Variants in MRGPRX3 observed in about 807,000 individuals in gnomAD.
MRGPRX3 encodes MAS related GPR family member X3, also known as mas-related G protein-coupled receptor member X3.
In MRGPRX3, 14 loss-of-function variants were observed where a neutral mutation model predicts 16.5. That is an observed-to-expected ratio of 0.85 (90% CI 0.56 to 1.33). MRGPRX3 has a LOEUF of 1.33. MRGPRX3 is among the 40% of genes most tolerant of loss of function. The pLI is 0.00. For missense variants in MRGPRX3, 449 were observed against 413.0 expected (o/e 1.09, Z -0.76); for synonymous variants, 199 against 180.1 (o/e 1.10, Z -0.84).
chr11:18,134,379 T>C (rs1848989670), intron 1 of MRGPRX3, among the ~76,000 whole-genome samples: 1 of 152,204 alleles, frequency 6.6e-6, no homozygotes, highest in Non-Finnish European at 1.5e-5. Flanking sequence ...ACTGAACAGG[T>C]ACAAACTTGT....
At chr11:18,129,366 T>C (rs894245906), upstream of MRGPRX3, among the ~76,000 whole-genome samples, 6 of 152,140 alleles carry the variant, frequency 3.9e-5, no homozygotes, top group African/African-American at 1.4e-4. Flanking sequence ...TTACAACCAA[T>C]GCTATAGAAA....
At chr11:18,128,039 C>T (rs1332655987), upstream of MRGPRX3, among the ~76,000 whole-genome samples, 4 of 152,230 alleles carry the variant, frequency 2.6e-5, no homozygotes, top group African/African-American at 9.6e-5. Context: ...AGGTCCACTC[C>T]AGACCCTGTT....
At chr11:18,128,345 C>T (rs569016191), upstream of MRGPRX3, among the ~76,000 whole-genome samples, 100 of 152,338 alleles carry the variant, frequency 6.6e-4, no homozygotes, top group Non-Finnish European at 1.3e-3. Flanking sequence ...GTTTCTGCTG[C>T]CTTTTGTTTG....
At chr11:18,129,485 A>G (rs891583480), upstream of MRGPRX3, among the ~76,000 whole-genome samples, 3 of 152,222 alleles carry the variant, frequency 2.0e-5, no homozygotes, top group African/African-American at 4.8e-5. Flanking sequence ...AGATTAAACT[A>G]GGGAGAAATA....
rs1410955757 is a variant in MRGPRX3, at chr11:18,124,316, G to A, written c.-152+3152G>A. 7.9e-5 allele frequency among the ~76,000 whole-genome samples: 12 copies of A among 152,236 alleles called. No individual in the cohort carries two copies. In the Middle Eastern group the frequency reaches 0.01, roughly 129 times the overall value. On this transcript the variant is annotated intron_variant, in intron 1 of 2. Coordinates refer to the MRGPRX3 transcript ENST00000396275. ...TTTTTGCCCATTCAGTATGATATTGGCTGTGGGTTTGTCATAGATAGCTCT... is the reference window on the plus strand; with the variant it reads ...TTTTTGCCCATTCAGTATGATATTGACTGTGGGTTTGTCATAGATAGCTCT...
upstream of MRGPRX3, among the ~76,000 whole-genome samples, chr11:18,131,641 T>C (rs2134083257): frequency 6.6e-6 from 1 of 152,248 alleles, no homozygotes; most frequent in Non-Finnish European, 1.5e-5. Context: ...CTTAAGGAAC[T>C]AAAAGTAGAT....
rs1396807217 is a variant in MRGPRX3 at position 18,125,104 on chromosome 11, G to A, written c.-152+3940G>A. Among the ~76,000 whole-genome samples, 10 of 151,550 alleles carry A rather than the reference G, an allele frequency of 6.6e-5. No individual in the cohort carries two copies. The South Asian group carries it at 1.0e-3, about 16-fold the overall frequency. ...TTTCTTCTTTATTAGTCTTGCTAGC[G>A]GTCTATCAATTTTGTTGATCTTTTC... On this transcript the variant is annotated intron_variant, in intron 1 of 2. Transcript: ENST00000396275.
intron 1 of MRGPRX3, among the ~76,000 whole-genome samples, chr11:18,124,080 G>A (rs1347276211): frequency 1.3e-5 from 2 of 152,202 alleles, no homozygotes; most frequent in Non-Finnish European, 2.9e-5. Context: ...AGCTTAAGGA[G>A]ATTTTGGGCT....
rs145748566 is a variant in MRGPRX3, at chr11:18,137,846, A to T, written c.644A>T (p.Tyr215Phe). Residue 215 changes from tyrosine to phenylalanine, a missense_variant, in exon 2 of 2, where the codon TAC (tyrosine) becomes TTC (phenylalanine). Physicochemically the swap from Tyr to Phe is conservative, Grantham distance 22. Coordinates refer to ENST00000621697, the MANE Select transcript of MRGPRX3 (RefSeq NM_001370464.1). ...GSRKMPLTRLYVTILLTVLVF... is the reference protein window; with the variant it reads ...GSRKMPLTRLFVTILLTVLVF... The stretch of plus-strand genomic sequence containing the variant: ...CGGAAGATGCCGCTGACCAGGCTGT[A>T]CGTGACCATCCTCCTCACAGTGCTG... The T allele has an allele frequency of 7.4e-6, 12 of 1,613,988 alleles. No homozygotes were observed. The highest frequency in any genetic ancestry group is 9.3e-6 in the Non-Finnish European group (11 of 1,180,022).
upstream of MRGPRX3, among the ~76,000 whole-genome samples, chr11:18,128,186 G>A (rs1317939863): frequency 6.6e-6 from 1 of 152,238 alleles, no homozygotes; most frequent in African/African-American, 2.4e-5. Context: ...CCCCTACTGG[G>A]GGTGCCTCCC....
At chr11:18,128,929 C>G (rs764849479), upstream of MRGPRX3, among the ~76,000 whole-genome samples, 1 of 152,168 alleles carries the variant, frequency 6.6e-6, no homozygotes, top group Non-Finnish European at 1.5e-5. Context: ...GCTCCACCCC[C>G]CTCCTGAATT....
rs763636250 is a variant in MRGPRX3 at position 18,137,926 on chromosome 11, A to C, written c.724A>C (p.Ile242Leu). The change falls in exon 2 of 2, where the codon ATC (isoleucine) becomes CTC (leucine). Residue 242 changes from isoleucine (I) to leucine (L), a missense_variant. By Grantham distance (5) the Ile-to-Leu change is conservative (BLOSUM62 2). Transcript: ENST00000621697. Reference protein sequence around the residue: ...FGIQWALFSRIHLDWKVLFCH... With the variant: ...FGIQWALFSRLHLDWKVLFCH... ...CATTCAGTGGGCCCTGTTTTCCAGGATCCACCTGGATTGGAAAGTCTTATT... is the reference window on the plus strand; with the variant it reads ...CATTCAGTGGGCCCTGTTTTCCAGGCTCCACCTGGATTGGAAAGTCTTATT... The C allele has an allele frequency of 1.2e-5, 19 of 1,613,956 alleles. No individual in the cohort carries two copies. Among genetic ancestry groups the C allele is most frequent in the Middle Eastern group, 1.6e-4 (1 of 6,084 alleles).
chr11:18,124,168 A>C (rs1391699848), intron 1 of MRGPRX3, among the ~76,000 whole-genome samples: 2 of 152,174 alleles, frequency 1.3e-5, no homozygotes, highest in African/African-American at 2.4e-5. Context: ...TTCCTAATTG[A>C]ATACCCTTTA....
intron 1 of MRGPRX3, among the ~76,000 whole-genome samples, chr11:18,122,508 G>C (rs1848850429): frequency 3.3e-5 from 5 of 152,124 alleles, no homozygotes; most frequent in Admixed American, 1.3e-4. Context: ...CCCTGCAAAG[G>C]ACATGAACTC....
chr11:18,131,931 T>C (rs888413808), upstream of MRGPRX3, among the ~76,000 whole-genome samples: 2 of 152,034 alleles, frequency 1.3e-5, no homozygotes, highest in Non-Finnish European at 2.9e-5. Context: ...AGGCGAGGGA[T>C]AAAAGACTAC....
upstream of MRGPRX3, among the ~76,000 whole-genome samples, chr11:18,130,066 A>C (rs937283730): frequency 6.6e-6 from 1 of 152,186 alleles, no homozygotes. Flanking sequence ...GACCCACAGC[A>C]AACATTATAC....
intron 1 of MRGPRX3, among the ~76,000 whole-genome samples, chr11:18,134,447 G>A (rs1848990342): frequency 6.6e-6 from 1 of 152,162 alleles, no homozygotes; most frequent in African/African-American, 2.4e-5. Context: ...TATAGCATTT[G>A]CATTTTGTCA....
intron 1 of MRGPRX3, among the ~76,000 whole-genome samples, chr11:18,121,645 T>C (rs1241236861): frequency 6.6e-6 from 1 of 152,248 alleles, no homozygotes; most frequent in Non-Finnish European, 1.5e-5. Context: ...TTTCATTTTG[T>C]TCTGTACAAA....
At chr11:18,132,515 T>C (rs970607230), upstream of MRGPRX3, 3 of 152,196 alleles carry the variant, frequency 2.0e-5, no homozygotes, top group African/African-American at 7.2e-5. Context: ...GTGTCTCAAA[T>C]ACCTCTGGCC....
Sources: gnomAD v4.1 joint callset for allele counts (sites outside exome capture counted in the v4.1 genomes callset) on GRCh38, gnomAD v4.1.1 for gene constraint, MANE v1.5 for transcripts, NCBI Gene and HGNC (gene_info 2026-07-23, HGNC 2026-07-21) for gene names.